The following ULK4 variants were observed in gnomAD, a reference collection of about 807,000 sequenced individuals.
The protein encoded by ULK4 is inactive serine/threonine-protein kinase ULK4.
A neutral mutation model predicts 160.6 loss-of-function variants in ULK4; 133 were observed. That is an observed-to-expected ratio of 0.83 (90% CI 0.72 to 0.96). The LOEUF (loss-of-function observed/expected upper bound fraction) is 0.96. Among genes scored for constraint, ULK4 ranks in the 40% least tolerant of loss-of-function variants. ULK4 has a pLI of 0.00. For missense variants in ULK4, 1,580 were observed against 1,499.5 expected (o/e 1.05, Z -0.89); for synonymous variants, 534 against 539.8 (o/e 0.99, Z 0.15).
At chr3:41,933,212 T>C (rs1699653253) in intron 4 of ULK4, among the ~76,000 whole-genome samples, 1 of 151,922 alleles carries the variant, frequency 6.6e-6, no homozygotes, top group Non-Finnish European at 1.5e-5. Flanking sequence ...ACCCCCAGAG[T>C]TTCTGATTCA....
In ULK4 at chr3:41,687,374, GA is replaced by G. The variant is rs879559730; in HGVS notation, c.2782-5571del. 8.9e-3 allele frequency among the ~76,000 whole-genome samples: 1,068 copies of G among 119,724 alleles called. 10 individuals are homozygous for G. The highest frequency in any genetic ancestry group is 0.029 in the African/African-American group (906 of 31,190). The allele number at this position is 119,724 out of a possible 152,430, so 78.5% of individuals were successfully genotyped here. A position where few individuals can be genotyped will look rare whatever the true frequency, so the allele number is the denominator to read the frequency against. On this transcript the variant is annotated intron_variant, in intron 27 of 36. Transcript: ENST00000301831. ...GCGATGAAGAGAGACTCCATCTCAA[GA>G]AAAAAAAAAAAATTAATTAAACAAA...
At chr3:41,566,966 T>C (rs1179395885) in intron 31 of ULK4, among the ~76,000 whole-genome samples, 1 of 152,208 alleles carries the variant, frequency 6.6e-6, no homozygotes, top group Non-Finnish European at 1.5e-5. Flanking sequence ...CTCAGGTTCC[T>C]GTAAGTACCC....
intron 5 of ULK4, among the ~76,000 whole-genome samples, chr3:41,924,132 C>T (rs555389085): frequency 1.3e-5 from 2 of 152,288 alleles, no homozygotes; most frequent in East Asian, 3.9e-4. Flanking sequence ...AAATCAGCAT[C>T]AATGTTAACA....
chr3:41,517,638 T>C (rs1277291522), intron 32 of ULK4, among the ~76,000 whole-genome samples: 1 of 152,246 alleles, frequency 6.6e-6, no homozygotes, highest in African/African-American at 2.4e-5. Flanking sequence ...TAATTTTATT[T>C]TTAAAGAAAG....
chr3:41,648,313 G>A (rs940618226), intron 30 of ULK4, among the ~76,000 whole-genome samples: 8 of 152,164 alleles, frequency 5.3e-5, no homozygotes, highest in African/African-American at 9.7e-5. Context: ...GCTGTAGACC[G>A]GAGCTGTTCC....
At chr3:41,602,512 T>TACC (rs1367897815) in intron 31 of ULK4, among the ~76,000 whole-genome samples, 1 of 152,062 alleles carries the variant, frequency 6.6e-6, no homozygotes. Flanking sequence ...ATGGCAAATA[T>TACC]ACCACAGCTA....
chr3:41,671,749 C>T (rs768729985), intron 29 of ULK4, among the ~76,000 whole-genome samples: 14 of 151,964 alleles, frequency 9.2e-5, no homozygotes, highest in Non-Finnish European at 1.3e-4. Context: ...AAAGCTTCTA[C>T]GCAGCACAAT....
At chr3:41,909,541 T>C (rs554029272) in intron 11 of ULK4, among the ~76,000 whole-genome samples, 1 of 121,818 alleles carries the variant, frequency 8.2e-6, no homozygotes, top group South Asian at 3.2e-4. Context: ...AGAAACTCCA[T>C]CTCTACTAAA....
chr3:41,489,513 C>A (rs2084670415), intron 32 of ULK4, among the ~76,000 whole-genome samples: 1 of 152,156 alleles, frequency 6.6e-6, no homozygotes, highest in South Asian at 2.1e-4. Context: ...ATCCTACTAA[C>A]AGTGCAATGA....
chr3:41,371,963 G>A (rs1310160474), intron 35 of ULK4, among the ~76,000 whole-genome samples: 1 of 151,842 alleles, frequency 6.6e-6, no homozygotes, highest in Non-Finnish European at 1.5e-5. Context: ...ACCTGATGGA[G>A]CTGAATAACA....
intron 13 of ULK4, among the ~76,000 whole-genome samples, 179 bp downstream of exon 13, chr3:41,900,546 A>C (rs1698314656): frequency 6.6e-6 from 1 of 152,212 alleles, no homozygotes; most frequent in Non-Finnish European, 1.5e-5. Flanking sequence ...GTGAAGGCAG[A>C]GGAAAGGGCT....
chr3:41,780,279 G>A lies in ULK4; in HGVS notation c.2193+9382C>T, dbSNP rs4973984. ...GCCAAGATCACACCACTGTACTCCAGCCTCGGAGAAAGAGACCCCACCCTG... is the reference window on the plus strand; with the variant it reads ...GCCAAGATCACACCACTGTACTCCAACCTCGGAGAAAGAGACCCCACCCTG... On this transcript the variant is annotated intron_variant, in intron 21 of 36. Transcript: ENST00000301831. Among the ~76,000 whole-genome samples the A allele has an allele frequency of 9.1e-3, 1,386 of 152,192 alleles. 69 individuals carry two copies. The highest frequency in any genetic ancestry group is 0.075 in the Admixed American group (1,155 of 15,302).
Position 41,301,114 on chromosome 3 carries a change from C to T in ULK4, c.3679-51540G>A, listed in dbSNP as rs569601262. On this transcript the variant is annotated intron_variant, in intron 35 of 36. Coordinates refer to ENST00000301831, the MANE Select transcript of ULK4 (RefSeq NM_017886.4). ...TGTATTTCACTACAAAATGAAAAGG[C>T]GTGATTTCTGAATCATTTATTGCCT... Among the ~76,000 whole-genome samples the T allele has an allele frequency of 4.6e-5, 7 of 151,636 alleles. 1 individual carries two copies. Among genetic ancestry groups the T allele is most frequent in the Admixed American group, 2.0e-4 (3 of 15,224 alleles).
intron 35 of ULK4, among the ~76,000 whole-genome samples, chr3:41,369,609 A>G (rs561451801): frequency 1.3e-5 from 2 of 152,026 alleles, no homozygotes; most frequent in African/African-American, 2.4e-5. Context: ...CCTGGCCAAC[A>G]TGGTGAAAAC....
intron 35 of ULK4, among the ~76,000 whole-genome samples, chr3:41,389,703 T>C (rs2081909906): frequency 6.6e-6 from 1 of 152,236 alleles, no homozygotes; most frequent in Non-Finnish European, 1.5e-5. Flanking sequence ...GAACCAGCCT[T>C]GCATCTCAGG....
intron 31 of ULK4, among the ~76,000 whole-genome samples, chr3:41,595,050 G>A (rs569322729): frequency 9.9e-5 from 15 of 152,200 alleles, no homozygotes; most frequent in African/African-American, 2.9e-4. Flanking sequence ...TCAAAAGATC[G>A]ATTTGGCTCT....
At chr3:41,298,173 G>T (rs1253960388) in intron 35 of ULK4, among the ~76,000 whole-genome samples, 1 of 152,228 alleles carries the variant, frequency 6.6e-6, no homozygotes, top group Non-Finnish European at 1.5e-5. Flanking sequence ...TATTTGGCTT[G>T]TAAGTCTAAC....
chr3:41,533,369 A>G (rs2086387944), intron 32 of ULK4, among the ~76,000 whole-genome samples: 1 of 152,352 alleles, frequency 6.6e-6, no homozygotes, highest in African/African-American at 2.4e-5. Context: ...ATACATCTCC[A>G]TACTACTGTG....
intron 32 of ULK4, among the ~76,000 whole-genome samples, chr3:41,466,461 G>A (rs928774902): frequency 2.1e-4 from 32 of 152,218 alleles, no homozygotes; most frequent in Admixed American, 2.0e-3. Flanking sequence ...GTATCCAAAT[G>A]GGGGGAAAAG....
Sources: gnomAD v4.1 joint callset for allele counts (sites outside exome capture counted in the v4.1 genomes callset) on GRCh38, gnomAD v4.1.1 for gene constraint, MANE v1.5 for transcripts, NCBI Gene and HGNC (gene_info 2026-07-23, HGNC 2026-07-21) for gene names.